ATP6V1H: variants seen among roughly 807,000 people sequenced by gnomAD.
ATP6V1H encodes ATPase H+ transporting V1 subunit H, also known as V-type proton ATPase subunit H.
ATP6V1H carries 39 observed loss-of-function variants against 71.7 expected under a neutral mutation model. That is an observed-to-expected ratio of 0.54 (90% CI 0.42 to 0.71). ATP6V1H has a LOEUF of 0.71. Ranked by LOEUF, ATP6V1H falls within the 30% of genes least tolerant of loss-of-function variation. ATP6V1H has a pLI of 0.00. For synonymous variants in ATP6V1H, 192 were observed against 199.3 expected (o/e 0.96, Z 0.31); for missense variants, 509 against 594.9 (o/e 0.86, Z 1.50).
chr8:53,778,784 G>A (rs1040531692), intron 9 of ATP6V1H, among the ~76,000 whole-genome samples: 1 of 152,154 alleles, frequency 6.6e-6, no homozygotes, highest in Non-Finnish European at 1.5e-5. Context: ...GAAATTATTT[G>A]AATAGATAAA....
intron 8 of ATP6V1H, among the ~76,000 whole-genome samples, chr8:53,800,172 G>T (rs527733960): frequency 6.6e-5 from 10 of 152,228 alleles, no homozygotes; most frequent in African/African-American, 2.4e-4. Flanking sequence ...GACCCCTCTG[G>T]GAGGAAGAGA....
chr8:53,833,205 G>A (rs1811064731), intron 2 of ATP6V1H, 119 bp from the exon 3 acceptor site: 1 of 694,082 alleles, frequency 1.4e-6, no homozygotes, highest in Non-Finnish European at 2.5e-6. Context: ...CTGACGCAAG[G>A]GCCCTGGCAT....
chr8:53,825,792 CA>C (rs1810807763), intron 4 of ATP6V1H, among the ~76,000 whole-genome samples: 1 of 151,958 alleles, frequency 6.6e-6, no homozygotes, highest in Non-Finnish European at 1.5e-5. Flanking sequence ...TGAAACTATA[CA>C]AGCACTAGAA....
intron 13 of ATP6V1H, among the ~76,000 whole-genome samples, chr8:53,730,044 T>C (rs1806963679): frequency 6.6e-6 from 1 of 152,200 alleles, no homozygotes; most frequent in South Asian, 2.1e-4. Flanking sequence ...AGAGCAATCA[T>C]GACAGGGTCT....
Position 53,776,449 on chromosome 8 carries a change from G to A in ATP6V1H, c.871-4282C>T, listed in dbSNP as rs561077601. Among the ~76,000 whole-genome samples, 317 of 152,336 alleles carry A rather than the reference G, an allele frequency of 2.1e-3. 3 individuals are homozygous for A. The highest frequency in any genetic ancestry group is 6.1e-3 in the African/African-American group (252 of 41,576). Reference sequence around the variant, plus strand: ...CGAGGGCTGTGAGGACTGCCAGCACGCTGTCACCTCTCACAAGGACAGACT... The same window carrying A: ...CGAGGGCTGTGAGGACTGCCAGCACACTGTCACCTCTCACAAGGACAGACT... On this transcript the variant is annotated intron_variant, in intron 9 of 13. Transcript: ENST00000359530.
intron 9 of ATP6V1H, among the ~76,000 whole-genome samples, chr8:53,784,875 T>C (rs1341950179): frequency 2.0e-5 from 3 of 152,244 alleles, no homozygotes; most frequent in Non-Finnish European, 4.4e-5. Flanking sequence ...CCCCACTCTC[T>C]TCTTGCTTGT....
intron 4 of ATP6V1H, among the ~76,000 whole-genome samples, chr8:53,820,466 A>G (rs911129916): frequency 1.3e-5 from 2 of 151,938 alleles, no homozygotes; most frequent in Non-Finnish European, 2.9e-5. Flanking sequence ...AGAAACTGCC[A>G]GCCTTGGCAT....
chr8:53,759,767 T>C (rs1808200519), intron 11 of ATP6V1H, among the ~76,000 whole-genome samples: 3 of 152,228 alleles, frequency 2.0e-5, no homozygotes, highest in Non-Finnish European at 2.9e-5. Context: ...GAATATTTTC[T>C]TACTCAAAAT....
At chr8:53,792,692 TG>T (rs982569013) in intron 9 of ATP6V1H, among the ~76,000 whole-genome samples, 2 of 152,244 alleles carry the variant, frequency 1.3e-5, no homozygotes, top group African/African-American at 4.8e-5. Context: ...TTTCACTTAC[TG>T]GGGAATTATC....
intron 13 of ATP6V1H, among the ~76,000 whole-genome samples, chr8:53,729,241 A>G (rs1445710187): frequency 1.3e-5 from 2 of 152,172 alleles, no homozygotes; most frequent in African/African-American, 2.4e-5. Flanking sequence ...TAGGATGACC[A>G]GACCAGAAAA....
rs562771553 is a variant in ATP6V1H at position 53,809,580 on chromosome 8, A to G, written c.579+1584T>C. Among the ~76,000 whole-genome samples the G allele has an allele frequency of 2.2e-3, 339 of 152,322 alleles. 2 individuals carry two copies. The highest frequency in any genetic ancestry group is 7.9e-3 in the African/African-American group (328 of 41,580). On this transcript the variant is annotated intron_variant, in intron 7 of 13. Transcript: ENST00000359530. ...GGTAAATCACTTAGACCAACACACC[A>G]CCAATTCAGTTAATTTTGTTTTTCT...
At chr8:53,769,031 G>T (rs1360484031) in intron 11 of ATP6V1H, among the ~76,000 whole-genome samples, 1 of 152,080 alleles carries the variant, frequency 6.6e-6, no homozygotes, top group Admixed American at 6.5e-5. Context: ...AATAAATGGG[G>T]CTGGTTCAAT....
intron 2 of ATP6V1H, among the ~76,000 whole-genome samples, chr8:53,837,661 G>A (rs1267349698): frequency 1.3e-5 from 2 of 152,116 alleles, no homozygotes; most frequent in African/African-American, 2.4e-5. Context: ...TCAAGAAGGC[G>A]GGAGCTAGAG....
intron 11 of ATP6V1H, among the ~76,000 whole-genome samples, chr8:53,763,700 G>GA (rs879945436): frequency 9.7e-4 from 142 of 146,312 alleles, no homozygotes; most frequent in African/African-American, 2.9e-3. Flanking sequence ...CTCACAGCAG[G>GA]AAAAAAAAAA....
intron 6 of ATP6V1H, among the ~76,000 whole-genome samples, chr8:53,812,379 G>T (rs1049772925): frequency 6.6e-5 from 10 of 152,188 alleles, no homozygotes; most frequent in Admixed American, 5.9e-4. Flanking sequence ...TCTATAAAAA[G>T]TTCAATTCTA....
intron 13 of ATP6V1H, among the ~76,000 whole-genome samples, chr8:53,741,642 G>C (rs1433474934): frequency 6.6e-6 from 1 of 152,074 alleles, no homozygotes; most frequent in Non-Finnish European, 1.5e-5. Context: ...TCTGGCTTGG[G>C]GTAAAGTGAA....
intron 13 of ATP6V1H, among the ~76,000 whole-genome samples, chr8:53,740,351 T>A (rs993796099): frequency 1.3e-5 from 2 of 152,170 alleles, no homozygotes; most frequent in African/African-American, 4.8e-5. Context: ...AAACAAAAAC[T>A]TCAGGAATAA....
chr8:53,740,973 A>G (rs1807390629), intron 13 of ATP6V1H, among the ~76,000 whole-genome samples: 1 of 152,192 alleles, frequency 6.6e-6, no homozygotes, highest in African/African-American at 2.4e-5. Context: ...CTATGAAGGA[A>G]GTGTGGGAAA....
rs139566391 is a variant in ATP6V1H, at chr8:53,822,644, G to A, written c.307-5114C>T. 2.3e-3 allele frequency among the ~76,000 whole-genome samples: 344 copies of A among 152,210 alleles called. 2 individuals are homozygous for A. The highest frequency in any genetic ancestry group is 7.9e-3 in the African/African-American group (327 of 41,554). ...ACAGTAATCATAACACAGTATGACA[G>A]TTGAGATCAAATTTCTTAGTAATAT... On this transcript the variant is annotated intron_variant, in intron 4 of 13. Coordinates refer to ENST00000359530, the MANE Select transcript of ATP6V1H (RefSeq NM_015941.4).
Sources: allele counts gnomAD v4.1 joint callset (sites outside exome capture counted in the v4.1 genomes callset), GRCh38; gene constraint gnomAD v4.1.1; transcripts MANE v1.5; gene names NCBI Gene and HGNC (gene_info 2026-07-23, HGNC 2026-07-21).